PRKCE: variants seen among roughly 807,000 people sequenced by gnomAD.
PRKCE encodes protein kinase C epsilon.
PRKCE carries 16 observed loss-of-function variants against 85.4 expected under a neutral mutation model. That is an observed-to-expected ratio of 0.19 (90% CI 0.13 to 0.28). The LOEUF (loss-of-function observed/expected upper bound fraction) is 0.28, where lower values mean the gene tolerates loss of function less well. Ranked by LOEUF, PRKCE falls within the 10% of genes least tolerant of loss-of-function variation. PRKCE has a pLI of 1.00. For missense variants in PRKCE, 573 were observed against 975.2 expected (o/e 0.59, Z 5.49); for synonymous variants, 388 against 371.5 (o/e 1.04, Z -0.51).
At chr2:45,703,091 G>A (rs1376118103) in intron 1 of PRKCE, among the ~76,000 whole-genome samples, 2 of 149,658 alleles carry the variant, frequency 1.3e-5, no homozygotes, top group Non-Finnish European at 3.0e-5. Context: ...CTTAGTAAAG[G>A]TGGAACACAT....
At chr2:45,766,010 C>A (rs764475752) in intron 1 of PRKCE, among the ~76,000 whole-genome samples, 1 of 152,154 alleles carries the variant, frequency 6.6e-6, no homozygotes, top group Non-Finnish European at 1.5e-5. Context: ...CTGATCCCCT[C>A]CCCCACCTCC....
In PRKCE at chr2:46,134,931, C is replaced by T. The variant is rs115229071; in HGVS notation, c.1593-10162C>T. Among the ~76,000 whole-genome samples, 402 of 152,332 alleles carry T rather than the reference C, an allele frequency of 2.6e-3. 1 individual carries two copies. Among genetic ancestry groups the T allele is most frequent in the Non-Finnish European group, 3.9e-3 (266 of 68,040 alleles). On this transcript the variant is annotated intron_variant, in intron 11 of 14. Transcript: ENST00000306156. ...CATGAATATTAAGGATAAGAATGTA[C>T]TTTCATTATTGTGGGTTAAAAAAAG...
chr2:45,946,229 ATT>A (rs990713724), intron 2 of PRKCE, among the ~76,000 whole-genome samples: 1 of 152,174 alleles, frequency 6.6e-6, no homozygotes, highest in African/African-American at 2.4e-5. Context: ...TCTTGATAAG[ATT>A]GTGGTGGTTT....
At chr2:45,879,666 C>T (rs935846802) in intron 2 of PRKCE, among the ~76,000 whole-genome samples, 2 of 152,232 alleles carry the variant, frequency 1.3e-5, no homozygotes, top group East Asian at 1.9e-4. Flanking sequence ...AACCCTCTCA[C>T]CTGCCTGCTC....
chr2:45,931,018 C>G (rs1258376916), intron 2 of PRKCE, among the ~76,000 whole-genome samples: 1 of 152,118 alleles, frequency 6.6e-6, no homozygotes, highest in African/African-American at 2.4e-5. Context: ...TTATTTCATC[C>G]TTATACCAAC....
intron 2 of PRKCE, among the ~76,000 whole-genome samples, chr2:45,939,042 C>G (rs1381008295): frequency 1.3e-5 from 2 of 152,200 alleles, no homozygotes; most frequent in Non-Finnish European, 2.9e-5. Context: ...CCAGTGAAAT[C>G]CAGCCCACAG....
intron 1 of PRKCE, among the ~76,000 whole-genome samples, chr2:45,751,751 A>AT (rs1415359798): frequency 1.3e-5 from 2 of 151,524 alleles, no homozygotes; most frequent in African/African-American, 4.9e-5. Flanking sequence ...TAAAATGAAA[A>AT]TTTCCCATAA....
rs539089482 is a variant in PRKCE at position 45,999,275 on chromosome 2, C to G, written c.824-2129C>G. ...CATTTCTTACAAGGCAGATCACTGCCCATAAATTCCTTCCATTTTTGTTTG... is the reference window on the plus strand; with the variant it reads ...CATTTCTTACAAGGCAGATCACTGCGCATAAATTCCTTCCATTTTTGTTTG... On this transcript the variant is annotated intron_variant, in intron 6 of 14. Coordinates refer to ENST00000306156, the MANE Select transcript of PRKCE (RefSeq NM_005400.3). Among the ~76,000 whole-genome samples, 3 of 152,160 alleles carry G rather than the reference C, an allele frequency of 2.0e-5. No individual in the cohort carries two copies. In the South Asian group the frequency reaches 6.2e-4, roughly 32 times the overall value.
intron 1 of PRKCE, among the ~76,000 whole-genome samples, chr2:45,818,234 G>A (rs1320818300): frequency 6.6e-6 from 1 of 152,156 alleles, no homozygotes; most frequent in Non-Finnish European, 1.5e-5. Context: ...TACATCAAAA[G>A]GTTCATTCCA....
chr2:46,130,587 G>A (rs1251593250), intron 11 of PRKCE, among the ~76,000 whole-genome samples: 1 of 152,166 alleles, frequency 6.6e-6, no homozygotes, highest in African/African-American at 2.4e-5. Context: ...ACTGCTTAAA[G>A]GATTTATTTG....
intron 1 of PRKCE, among the ~76,000 whole-genome samples, chr2:45,730,179 A>T (rs1315672635): frequency 6.6e-6 from 1 of 152,174 alleles, no homozygotes; most frequent in Non-Finnish European, 1.5e-5. Flanking sequence ...TAAATTTTTT[A>T]GAGACAGGGT....
intron 1 of PRKCE, among the ~76,000 whole-genome samples, chr2:45,736,974 A>G (rs1682120751): frequency 6.6e-6 from 1 of 152,154 alleles, no homozygotes; most frequent in Non-Finnish European, 1.5e-5. Context: ...GAGCAGATGG[A>G]AGAGGGGCCC....
chr2:45,823,370 T>C (rs949158594), intron 1 of PRKCE, among the ~76,000 whole-genome samples: 7 of 152,252 alleles, frequency 4.6e-5, no homozygotes, highest in African/African-American at 1.4e-4. Context: ...TCACCCCTAG[T>C]AGCTGAGCTG....
intron 1 of PRKCE, among the ~76,000 whole-genome samples, chr2:45,682,167 T>C (rs1676955990): frequency 6.6e-6 from 1 of 152,232 alleles, no homozygotes; most frequent in Non-Finnish European, 1.5e-5. Context: ...ACTGCCCATA[T>C]TTAAAGTGTA....
At chr2:46,040,467 A>C (rs1708153136) in intron 10 of PRKCE, among the ~76,000 whole-genome samples, 1 of 152,122 alleles carries the variant, frequency 6.6e-6, no homozygotes, top group Non-Finnish European at 1.5e-5. Flanking sequence ...TTAAAAACAT[A>C]CTACCTCCTG....
chr2:45,887,267 A>G (rs1695372032), intron 2 of PRKCE, among the ~76,000 whole-genome samples: 1 of 152,198 alleles, frequency 6.6e-6, no homozygotes, highest in African/African-American at 2.4e-5. Flanking sequence ...AAGGCTTCCT[A>G]CCTAGATGGA....
chr2:45,820,278 G>C (rs1260887687), intron 1 of PRKCE, among the ~76,000 whole-genome samples: 1 of 152,144 alleles, frequency 6.6e-6, no homozygotes, highest in Non-Finnish European at 1.5e-5. Context: ...AAACATGTGG[G>C]GAGAGGGTAA....
chr2:45,938,986 G>A (rs1699683905), intron 2 of PRKCE, among the ~76,000 whole-genome samples: 1 of 152,190 alleles, frequency 6.6e-6, no homozygotes, highest in Admixed American at 6.5e-5. Flanking sequence ...ATCCAGCGCA[G>A]TAGGCTAATT....
intron 1 of PRKCE, among the ~76,000 whole-genome samples, chr2:45,698,846 C>T (rs1678372170): frequency 6.6e-6 from 1 of 152,032 alleles, no homozygotes; most frequent in Non-Finnish European, 1.5e-5. Context: ...GGGAGTAGAA[C>T]AGACTTTTGA....
Sources: gnomAD v4.1 joint callset for allele counts (sites outside exome capture counted in the v4.1 genomes callset) on GRCh38, gnomAD v4.1.1 for gene constraint, MANE v1.5 for transcripts, NCBI Gene and HGNC (gene_info 2026-07-23, HGNC 2026-07-21) for gene names.